CERS4: variants seen among roughly 807,000 people sequenced by gnomAD.
CERS4 encodes ceramide synthase 4, also known as LAG1 homolog, ceramide synthase 4.
A neutral mutation model predicts 51.8 loss-of-function variants in CERS4; 65 were observed. The observed-to-expected ratio is 1.26, with a 90% CI of 1.03 to 1.54. The LOEUF is 1.54. Among genes scored for constraint, CERS4 ranks in the 40% most tolerant of loss-of-function variants. The pLI is 0.00. For synonymous variants in CERS4, 228 were observed against 208.4 expected, an observed-to-expected ratio of 1.09 and a Z score of -0.81; for missense variants, 563 against 500.4, an observed-to-expected ratio of 1.13 and a Z score of -1.19.
chr19:8,250,894 G>C, intron 2 of CERS4, 182 bp from the exon 3 acceptor site: 1 of 1,427,750 alleles, frequency 7.0e-7, no homozygotes, highest in Non-Finnish European at 9.1e-7. Context: ...GCTCTTCTGG[G>C]ACCAGAGGAC....
At chr19:8,257,104 C>T in intron 9 of CERS4, 27 bp downstream of exon 9, 3 of 1,568,670 alleles carry the variant, frequency 1.9e-6, no homozygotes, top group Non-Finnish European at 2.6e-6. Flanking sequence ...CCTGACCCTT[C>T]CCAGCTGCTG....
intron 2 of CERS4, among the ~76,000 whole-genome samples, chr19:8,241,698 G>A (rs1968545886): frequency 1.3e-5 from 2 of 152,142 alleles, no homozygotes; most frequent in South Asian, 4.1e-4. Flanking sequence ...ATAAAACTGA[G>A]GCACAGATAG....
Position 8,257,079 on chromosome 19 carries a change from T to C in CERS4, c.741+2T>C. On this transcript the variant is annotated splice_donor_variant, in intron 9 of 11. Transcript: ENST00000251363. LOFTEE classifies it high-confidence loss of function. ...GATTCCTCTGACTACCTGCTGGAGG[T>C]GGGCCCGACCCCTGCCTGACCCTTC... 6.3e-7 allele frequency: 1 copy of C among 1,594,148 alleles called. No homozygotes were observed. The highest frequency in any genetic ancestry group is 8.6e-7 in the Non-Finnish European group (1 of 1,168,530).
At chr19:8,241,325 T>G (rs901081837) in intron 2 of CERS4, 2 of 151,730 alleles carry the variant, frequency 1.3e-5, no homozygotes, top group African/African-American at 4.9e-5. Flanking sequence ...TTTTGGGGGG[T>G]TTTTTTCCGA....
intron 2 of CERS4, among the ~76,000 whole-genome samples, chr19:8,235,873 G>A (rs1968226570): frequency 6.6e-6 from 1 of 151,436 alleles, no homozygotes; most frequent in Non-Finnish European, 1.5e-5. Context: ...TCCAGCCTGG[G>A]TAACAAGAGC....
chr19:8,231,587 C>T (rs575319488), intron 2 of CERS4, among the ~76,000 whole-genome samples: 167 of 152,030 alleles, frequency 1.1e-3, no homozygotes, highest in Non-Finnish European at 1.1e-3. Flanking sequence ...CTTGCTCTGT[C>T]GCCCAGGCTG....
intron 9 of CERS4, 181 bp downstream of exon 9, chr19:8,257,258 T>C: frequency 1.6e-6 from 1 of 644,280 alleles, no homozygotes; most frequent in East Asian, 3.1e-5. Flanking sequence ...CCACCCCCTC[T>C]GTCTTCCTGG....
At chr19:8,224,125 AAG>A (rs200215177) in intron 2 of CERS4, among the ~76,000 whole-genome samples, 37,779 of 117,056 alleles carry the variant, frequency 0.32, 6,417 homozygotes, top group Non-Finnish European at 0.41. Context: ...AAAAAAAAAA[AAG>A]GCCAGGCACG....
chr19:8,220,815 G>T (rs1568500117), intron 2 of CERS4, among the ~76,000 whole-genome samples: 1 of 142,966 alleles, frequency 7.0e-6, no homozygotes. Flanking sequence ...CTGCTGTTTT[G>T]TGTTTTTTTT....
rs776192036 is a variant in CERS4 at position 8,256,723 on chromosome 19, AAG to A, written c.612+16_612+17del. 5.6e-6 allele frequency: 9 copies of A among 1,608,804 alleles called. No individual in the cohort carries two copies. Among genetic ancestry groups the A allele is most frequent in the African/African-American group, 1.3e-5 (1 of 74,746 alleles). On this transcript the variant is annotated intron_variant, in intron 8 of 11. Coordinates refer to ENST00000251363, the MANE Select transcript of CERS4 (RefSeq NM_024552.3). ...TGTCAAGCGCAAGGTGAGGCCAAAT[AAG>A]AGTCTGGAAGACCCAGTCTCTGGCC...
At chr19:8,216,457 C>G (rs1173048752) in intron 2 of CERS4, among the ~76,000 whole-genome samples, 1 of 151,586 alleles carries the variant, frequency 6.6e-6, no homozygotes, top group African/African-American at 2.4e-5. Flanking sequence ...TTTCTCTCCA[C>G]CTGACAATAA....
At chr19:8,229,321 G>A (rs545276371) in intron 2 of CERS4, among the ~76,000 whole-genome samples, 2 of 152,142 alleles carry the variant, frequency 1.3e-5, no homozygotes, top group East Asian at 1.9e-4. Context: ...ATCCCAACCC[G>A]GACCAGCTCC....
intron 10 of CERS4, chr19:8,260,974 A>AAAAAAAAAAAAAAG (rs1969665013): frequency 6.6e-6 from 1 of 151,152 alleles, no homozygotes; most frequent in Non-Finnish European, 1.5e-5. Flanking sequence ...AAAAAAAAAA[A>AAAAAAAAAAAAAAG]AAACAAGAAC....
At chr19:8,212,374 A>G (rs1967114663) in intron 2 of CERS4, among the ~76,000 whole-genome samples, 1 of 152,048 alleles carries the variant, frequency 6.6e-6, no homozygotes, top group Non-Finnish European at 1.5e-5. Flanking sequence ...GCAGCTGCTC[A>G]TGGGGGAGAA....
chr19:8,254,141 T>A (rs113156838), intron 3 of CERS4, among the ~76,000 whole-genome samples: 1 of 151,088 alleles, frequency 6.6e-6, no homozygotes, highest in African/African-American at 2.4e-5. Context: ...GCTAACACAG[T>A]GAAACCCCGT....
At chr19:8,251,817 G>A (rs1006169537) in intron 3 of CERS4, among the ~76,000 whole-genome samples, 3 of 129,148 alleles carry the variant, frequency 2.3e-5, no homozygotes, top group African/African-American at 1.1e-4. Flanking sequence ...AAAAAAATGT[G>A]AGCTGGGGTG....
In CERS4 at chr19:8,249,421, G is replaced by A. The variant is rs527829870; in HGVS notation, c.-1-1655G>A. Among the ~76,000 whole-genome samples, 10 of 151,980 alleles carry A rather than the reference G, an allele frequency of 6.6e-5. No individual in the cohort carries two copies. In the East Asian group the frequency reaches 1.2e-3, roughly 18 times the overall value. The stretch of plus-strand genomic sequence containing the variant: ...TCAAGCAGGCTGGGACACGCTGGCC[G>A]GAGCTGCCCCACCTCGACCGCCACT... On this transcript the variant is annotated intron_variant, in intron 2 of 11. Transcript: ENST00000251363.
At chr19:8,215,053 ACGGCAG>A (rs928989787) in intron 2 of CERS4, among the ~76,000 whole-genome samples, 3 of 151,150 alleles carry the variant, frequency 2.0e-5, no homozygotes, top group Non-Finnish European at 4.4e-5. Context: ...GGAAGAAGCA[ACGGCAG>A]CAGCCAGTGG....
At chr19:8,233,606 G>T (rs1255506070) in intron 2 of CERS4, among the ~76,000 whole-genome samples, 2 of 152,098 alleles carry the variant, frequency 1.3e-5, no homozygotes, top group East Asian at 3.8e-4. Context: ...GGCCATTAGT[G>T]TCTCTCTGTA....
Sources: allele counts gnomAD v4.1 joint callset (sites outside exome capture counted in the v4.1 genomes callset), GRCh38; gene constraint gnomAD v4.1.1; transcripts MANE v1.5; gene names NCBI Gene and HGNC (gene_info 2026-07-23, HGNC 2026-07-21).